The following TXNRD1 variants were observed in gnomAD, a reference collection of about 807,000 sequenced individuals.
The protein encoded by TXNRD1 is thioredoxin reductase 1, cytoplasmic.
Under a neutral mutation model 80.3 loss-of-function variants are expected in TXNRD1, and 57 were observed. That is an observed-to-expected ratio of 0.71 (90% CI 0.57 to 0.89). The LOEUF is 0.89. Among genes scored for constraint, TXNRD1 ranks in the 40% least tolerant of loss-of-function variants. The pLI is 0.00. For missense variants in TXNRD1, 730 were observed against 803.0 expected (o/e 0.91, Z 1.10); for synonymous variants, 291 against 285.2 (o/e 1.02, Z -0.20).
intron 10 of TXNRD1, among the ~76,000 whole-genome samples, chr12:104,324,639 C>T (rs577986442): frequency 2.5e-4 from 37 of 147,774 alleles, no homozygotes; most frequent in African/African-American, 7.5e-4. Flanking sequence ...CGTGAGCCAC[C>T]GCACCCGACC....
intron 16 of TXNRD1, among the ~76,000 whole-genome samples, chr12:104,348,141 AT>A (rs1292591782): frequency 6.6e-6 from 1 of 151,850 alleles, no homozygotes; most frequent in African/African-American, 2.4e-5. Flanking sequence ...TATAACCTAA[AT>A]TTTTTTTCTC....
intron 4 of TXNRD1, among the ~76,000 whole-genome samples, chr12:104,294,681 G>A (rs1463502819): frequency 1.3e-5 from 2 of 152,108 alleles, no homozygotes; most frequent in East Asian, 3.9e-4. Context: ...CACAGTCCAG[G>A]CTGGTCTCAA....
Position 104,316,590 on chromosome 12 carries a change from C to T in TXNRD1, c.730+694C>T, listed in dbSNP as rs1467675817. On this transcript the variant is annotated intron_variant, in intron 7 of 16. Transcript: ENST00000525566. ...ATTTTTAGTAGAGGTGGGGTTTTAC[C>T]ATGTTAGCCAGGATGGTCTCGATCT... 5.9e-5 allele frequency among the ~76,000 whole-genome samples: 9 copies of T among 152,070 alleles called. 1 individual carries two copies. Among genetic ancestry groups the T allele is most frequent in the Admixed American group, 4.6e-4 (7 of 15,266 alleles).
At chr12:104,242,974 G>A (rs963743248) in intron 1 of TXNRD1, among the ~76,000 whole-genome samples, 28 of 152,096 alleles carry the variant, frequency 1.8e-4, no homozygotes, top group African/African-American at 5.6e-4. Flanking sequence ...GAGGCAAGTG[G>A]GAATTCTTGG....
In TXNRD1 at chr12:104,281,616, C is replaced by G. The variant is rs578020558; in HGVS notation, c.305-7315C>G. Among the ~76,000 whole-genome samples, 25 of 152,026 alleles carry G rather than the reference C, an allele frequency of 1.6e-4. 1 individual carries two copies. The highest frequency in any genetic ancestry group is 1.6e-3 in the Admixed American group (25 of 15,254). ...AGAGATGGGGTTTCACTGTGTTAGC[C>G]AGGCTCATCTCAATCTCCTGACCTC... is the stretch of plus-strand genomic sequence containing the variant. On this transcript the variant is annotated intron_variant, in intron 3 of 16. Coordinates refer to ENST00000525566, the MANE Select transcript of TXNRD1 (RefSeq NM_001093771.3).
At chr12:104,309,794 C>G in intron 4 of TXNRD1, 2 of 1,532,916 alleles carry the variant, frequency 1.3e-6, no homozygotes, top group Middle Eastern at 1.7e-4. Context: ...GGCCATAATG[C>G]CAGTTGATGA....
In TXNRD1 at chr12:104,252,662, T is replaced by TC. The variant is rs756948232; in HGVS notation, c.243+984_243+985insC. Reference sequence around the variant, plus strand: ...CACTGAGAGGTTAATTTATTATTTTTTATATATATATATATATATATATAT... The same window carrying TC: ...CACTGAGAGGTTAATTTATTATTTTTCTATATATATATATATATATATATAT... On this transcript the variant is annotated intron_variant, in intron 2 of 16. Transcript: ENST00000525566. Among the ~76,000 whole-genome samples the TC allele has an allele frequency of 9.7e-3, 442 of 45,704 alleles. 20 individuals are homozygous for TC. The highest frequency in any genetic ancestry group is 0.033 in the African/African-American group (386 of 11,640). The allele number at this position is 45,704 out of a possible 152,430, so 30.0% of individuals were successfully genotyped here.
At position 104,247,847 on chromosome 12, in the gene TXNRD1, C is replaced by T. The variant is rs539095279; in HGVS notation, c.92-3680C>T. 2.0e-3 allele frequency among the ~76,000 whole-genome samples: 297 copies of T among 152,248 alleles called. 1 individual carries two copies. In the Middle Eastern group the frequency reaches 0.024, roughly 12 times the overall value. ...TTTAGAGTCAGTCATCCCATGAAAT[C>T]GAAGGAGTCAGTAAGGCGTTATGGA... On this transcript the variant is annotated intron_variant, in intron 1 of 16. Coordinates refer to ENST00000525566, the MANE Select transcript of TXNRD1 (RefSeq NM_001093771.3).
chr12:104,345,938 C>T (rs2036475174), intron 16 of TXNRD1: 2 of 1,286,952 alleles, frequency 1.6e-6, no homozygotes, highest in African/African-American at 1.5e-5. Flanking sequence ...GCCCCTTCTG[C>T]TCATTTTTTA....
At chr12:104,229,718 G>C (rs1039423461) in intron 1 of TXNRD1, among the ~76,000 whole-genome samples, 6 of 151,732 alleles carry the variant, frequency 4.0e-5, no homozygotes, top group African/African-American at 1.5e-4. Context: ...TCAGCCTCCT[G>C]AGTAGCTGGG....
Position 104,305,191 on chromosome 12 carries a change from G to A in TXNRD1, c.415-6099G>A, listed in dbSNP as rs1447587652. Reference sequence around the variant, plus strand: ...CCTTTAAGACTATTAATAAAAACAAGTTTTGGATACCAAATTAAGGGATAT... The same window carrying A: ...CCTTTAAGACTATTAATAAAAACAAATTTTGGATACCAAATTAAGGGATAT... On this transcript the variant is annotated intron_variant, in intron 4 of 16. Coordinates refer to ENST00000525566, the MANE Select transcript of TXNRD1 (RefSeq NM_001093771.3). 4 of 316,614 alleles carry A rather than the reference G, an allele frequency of 1.3e-5. No homozygotes were observed. The East Asian group carries it at 2.3e-4, about 19-fold the overall frequency. The allele number at this position is 316,614 out of a possible 1,614,324, so 19.6% of individuals were successfully genotyped here. A position where few individuals can be genotyped will look rare whatever the true frequency, so the allele number is the denominator to read the frequency against.
chr12:104,281,835 A>T (rs1478410471), intron 3 of TXNRD1, among the ~76,000 whole-genome samples: 1 of 152,130 alleles, frequency 6.6e-6, no homozygotes, highest in African/African-American at 2.4e-5. Context: ...TTAAAATGAA[A>T]TCCAAAATCC....
chr12:104,303,281 T>C (rs1372492075), intron 4 of TXNRD1, among the ~76,000 whole-genome samples: 1 of 152,240 alleles, frequency 6.6e-6, no homozygotes, highest in African/African-American at 2.4e-5. Flanking sequence ...ATTTGTATAA[T>C]GAGTCCAAAC....
intron 13 of TXNRD1, among the ~76,000 whole-genome samples, chr12:104,330,263 G>C (rs923617065): frequency 6.6e-6 from 1 of 152,178 alleles, no homozygotes. Context: ...CTGTGTATAA[G>C]TATAACTGCT....
chr12:104,266,095 G>A (rs1019646945), intron 3 of TXNRD1, among the ~76,000 whole-genome samples: 1 of 152,106 alleles, frequency 6.6e-6, no homozygotes, highest in African/African-American at 2.4e-5. Flanking sequence ...CCTGTATGTT[G>A]TATTTCCTAT....
chr12:104,236,651 T>G (rs2032743888), intron 1 of TXNRD1, among the ~76,000 whole-genome samples: 1 of 151,872 alleles, frequency 6.6e-6, no homozygotes, highest in Non-Finnish European at 1.5e-5. Context: ...TAGCCGGGTG[T>G]GGTGGTGCAT....
chr12:104,240,574 CTTAA>C (rs533571465), intron 1 of TXNRD1, among the ~76,000 whole-genome samples: 6 of 152,224 alleles, frequency 3.9e-5, no homozygotes, highest in Non-Finnish European at 8.8e-5. Flanking sequence ...AACTTTTTAG[CTTAA>C]TTGAGTTCTC....
chr12:104,313,159 T>TAA, intron 5 of TXNRD1, 86 bp from the exon 6 acceptor site: 1 of 1,074,414 alleles, frequency 9.3e-7, no homozygotes, highest in Non-Finnish European at 1.4e-6. Flanking sequence ...CTCTATAGCT[T>TAA]AAAAAAAAAT....
intron 3 of TXNRD1, among the ~76,000 whole-genome samples, chr12:104,264,947 T>C (rs1593723942): frequency 6.6e-6 from 1 of 152,050 alleles, no homozygotes; most frequent in Non-Finnish European, 1.5e-5. Flanking sequence ...CTGTACTTAG[T>C]AGTAAGAAAT....
Sources: allele counts gnomAD v4.1 joint callset (sites outside exome capture counted in the v4.1 genomes callset), GRCh38; gene constraint gnomAD v4.1.1; transcripts MANE v1.5; gene names NCBI Gene and HGNC (gene_info 2026-07-23, HGNC 2026-07-21).